Variants in PPP1R14C observed in about 807,000 individuals in gnomAD.
PPP1R14C encodes the protein protein phosphatase 1 regulatory inhibitor subunit 14C.
PPP1R14C carries 16 observed loss-of-function variants against 20.4 expected under a neutral mutation model. The ratio of observed to expected loss-of-function variants is 0.78; its 90% CI spans 0.53 to 1.19. The LOEUF is 1.19. Among genes scored for constraint, PPP1R14C ranks in the 50% most tolerant of loss-of-function variants. The probability of loss-of-function intolerance (pLI) is 0.00; values close to 1 mark genes in which losing one functional copy is unlikely to be tolerated. For missense variants in PPP1R14C, 211 were observed against 220.1 expected (o/e 0.96, Z 0.26); for synonymous variants, 91 against 91.0 (o/e 1.00, Z 0.00).
At chr6:150,194,470 GAA>G (rs1173947486) in intron 1 of PPP1R14C, 1 of 982,032 alleles carries the variant, frequency 1.0e-6, no homozygotes, top group Non-Finnish European at 1.2e-6. Context: ...GTAATTTAGT[GAA>G]GAGAACCAAA....
At position 150,175,035 on chromosome 6, in the gene PPP1R14C, TG is replaced by T. The variant is rs571891861; in HGVS notation, c.306+31539del. On this transcript the variant is annotated intron_variant, in intron 1 of 3. Coordinates refer to ENST00000361131, the MANE Select transcript of PPP1R14C (RefSeq NM_030949.3). ...CTCATATTTGAAACATATGATCAAT[TG>T]GCTTGAACATTGTTTATGATACCAC... Among the ~76,000 whole-genome samples, 560 of 152,122 alleles carry T rather than the reference TG, an allele frequency of 3.7e-3. 6 individuals are homozygous for T. The highest frequency in any genetic ancestry group is 5.8e-3 in the Non-Finnish European group (392 of 68,010).
chr6:150,147,512 G>A (rs1289839833), intron 1 of PPP1R14C, among the ~76,000 whole-genome samples: 2 of 152,146 alleles, frequency 1.3e-5, no homozygotes, highest in African/African-American at 4.8e-5. Context: ...TTGAAATCTG[G>A]CATAATATCT....
intron 1 of PPP1R14C, among the ~76,000 whole-genome samples, chr6:150,146,152 A>G (rs1189407866): frequency 6.6e-6 from 1 of 152,224 alleles, no homozygotes; most frequent in Non-Finnish European, 1.5e-5. Context: ...TTTAGTCTTC[A>G]TAACAACCCT....
intron 1 of PPP1R14C, among the ~76,000 whole-genome samples, chr6:150,186,138 A>G (rs1452961573): frequency 6.6e-6 from 1 of 152,146 alleles, no homozygotes; most frequent in Non-Finnish European, 1.5e-5. Flanking sequence ...CAGGGCTTCT[A>G]AAAAGGAATG....
intron 1 of PPP1R14C, among the ~76,000 whole-genome samples, chr6:150,208,830 C>T (rs1379785978): frequency 6.6e-6 from 1 of 152,186 alleles, no homozygotes; most frequent in South Asian, 2.1e-4. Flanking sequence ...AGCAGCCCGG[C>T]ACAGCGTGGT....
rs1777148880 is a variant in PPP1R14C, at chr6:150,143,582, G to C, written c.306+84G>C. ...AGTAATTTTCCCGGGCTCCAGCTCC[G>C]GGGCGCGCATGTCCCTGACTCCCGG... On this transcript the variant is annotated intron_variant, in intron 1 of 3. Coordinates refer to ENST00000361131, the MANE Select transcript of PPP1R14C (RefSeq NM_030949.3). This position sits in a 1 kb window ranked among gnomAD's most constrained non-coding sequence, Gnocchi z 5.6. The C allele has an allele frequency of 1.9e-6, 2 of 1,027,006 alleles. No individual in the cohort carries two copies. The highest frequency in any genetic ancestry group is 2.8e-6 in the Non-Finnish European group (2 of 712,292). 63.6% of individuals were successfully genotyped at this position (1,027,006 alleles called of 1,614,324 possible).
At chr6:150,221,468 C>T (rs984164493) in intron 3 of PPP1R14C, among the ~76,000 whole-genome samples, 4 of 152,222 alleles carry the variant, frequency 2.6e-5, no homozygotes, top group Non-Finnish European at 5.9e-5. Context: ...CTTTTCTAAG[C>T]AGGGATCTCT....
intron 1 of PPP1R14C, among the ~76,000 whole-genome samples, chr6:150,183,913 A>G (rs1777649156): frequency 6.6e-6 from 1 of 152,246 alleles, no homozygotes; most frequent in African/African-American, 2.4e-5. Flanking sequence ...TAAACATCTG[A>G]GAGAAACAGC....
intron 1 of PPP1R14C, among the ~76,000 whole-genome samples, chr6:150,214,127 TG>T (rs1477676937): frequency 3.9e-5 from 6 of 152,282 alleles, no homozygotes; most frequent in Admixed American, 3.9e-4. Context: ...AGTTCTTAGT[TG>T]GACCACGTGT....
intron 1 of PPP1R14C, chr6:150,196,020 G>A (rs1777799853): frequency 1.0e-6 from 1 of 985,290 alleles, no homozygotes; most frequent in East Asian, 1.1e-4. Context: ...TCAGTGAGTG[G>A]GGGACTGGGA....
chr6:150,180,281 G>A lies in PPP1R14C; in HGVS notation c.307-34463G>A, dbSNP rs77880141. ...TAGCATAGTGTCTGGTAGATAGGGTGCACTCAGTGGATGTTAGCTATTATT... is the reference window on the plus strand; with the variant it reads ...TAGCATAGTGTCTGGTAGATAGGGTACACTCAGTGGATGTTAGCTATTATT... On this transcript the variant is annotated intron_variant, in intron 1 of 3. Transcript: ENST00000361131. Among the ~76,000 whole-genome samples, 1,131 of 152,326 alleles carry A rather than the reference G, an allele frequency of 7.4e-3. 12 individuals carry two copies. Among genetic ancestry groups the A allele is most frequent in the African/African-American group, 0.025 (1,040 of 41,584 alleles).
intron 1 of PPP1R14C, among the ~76,000 whole-genome samples, chr6:150,205,749 A>G (rs9479943): frequency 0.19 from 28,403 of 150,082 alleles, 3,017 homozygotes; most frequent in African/African-American, 0.28. Flanking sequence ...CCGAGATAGC[A>G]CCACTACACT....
chr6:150,150,699 C>T (rs1028981031), intron 1 of PPP1R14C, among the ~76,000 whole-genome samples: 2 of 152,130 alleles, frequency 1.3e-5, no homozygotes, highest in Admixed American at 1.3e-4. Context: ...TTTCAAGGCA[C>T]CTCTTCTGTT....
At chr6:150,241,819 G>A (rs1380163473) in intron 3 of PPP1R14C, among the ~76,000 whole-genome samples, 15 of 152,122 alleles carry the variant, frequency 9.9e-5, no homozygotes, top group East Asian at 3.9e-4. Context: ...CCCGGGAGGC[G>A]GAGGTTGCAA....
intron 1 of PPP1R14C, among the ~76,000 whole-genome samples, chr6:150,175,935 C>T (rs1777557034): frequency 6.6e-6 from 1 of 152,212 alleles, no homozygotes; most frequent in African/African-American, 2.4e-5. Flanking sequence ...CCCTGAATAT[C>T]TTGTACTTCT....
chr6:150,179,746 TC>T (rs1777600909), intron 1 of PPP1R14C, among the ~76,000 whole-genome samples: 1 of 152,136 alleles, frequency 6.6e-6, no homozygotes, highest in South Asian at 2.1e-4. Context: ...AGCAATTATA[TC>T]CATGCATAGA....
Position 150,176,874 on chromosome 6 carries a change from C to T in PPP1R14C, c.306+33376C>T, listed in dbSNP as rs928657855. ...TGTGGGCAAGGAGATGGGTTTTATA[C>T]GGATGAGGCCACTCAAGGAAGAGGG... is the stretch of plus-strand genomic sequence containing the variant. On this transcript the variant is annotated intron_variant, in intron 1 of 3. Coordinates refer to ENST00000361131, the MANE Select transcript of PPP1R14C (RefSeq NM_030949.3). Among the ~76,000 whole-genome samples, 9 of 152,124 alleles carry T rather than the reference C, an allele frequency of 5.9e-5. No homozygotes were observed. The South Asian group carries it at 6.2e-4, about 11-fold the overall frequency.
intron 3 of PPP1R14C, among the ~76,000 whole-genome samples, chr6:150,227,623 G>A (rs1215560733): frequency 5.3e-5 from 8 of 152,124 alleles, no homozygotes; most frequent in East Asian, 3.8e-4. Flanking sequence ...GGGTTTCCTC[G>A]AAAAAGACGG....
intron 1 of PPP1R14C, among the ~76,000 whole-genome samples, chr6:150,160,963 C>G (rs1777360286): frequency 6.6e-6 from 1 of 151,972 alleles, no homozygotes; most frequent in Non-Finnish European, 1.5e-5. Flanking sequence ...ACGCTGATTC[C>G]TTTTATTAGA....
Sources: gnomAD v4.1 joint callset for allele counts (sites outside exome capture counted in the v4.1 genomes callset) on GRCh38, gnomAD v4.1.1 for gene constraint, Gnocchi (gnomAD v3.1) non-coding constraint, MANE v1.5 for transcripts, NCBI Gene and HGNC (gene_info 2026-07-23, HGNC 2026-07-21) for gene names.